Variants in NCAM2 observed in about 807,000 individuals in gnomAD.
NCAM2 encodes the protein neural cell adhesion molecule 2, also known as N-CAM-2.
In NCAM2, 30 loss-of-function variants were observed where a neutral mutation model predicts 98.1. The ratio of observed to expected loss-of-function variants is 0.31; its 90% CI spans 0.23 to 0.41. The LOEUF (loss-of-function observed/expected upper bound fraction) is 0.41, where lower values mean the gene tolerates loss of function less well. Ranked by LOEUF, NCAM2 falls within the 10% of genes least tolerant of loss-of-function variation. NCAM2 has a pLI of 1.00. For missense variants in NCAM2, 867 were observed against 1,005.8 expected (o/e 0.86, Z 1.87); for synonymous variants, 368 against 342.4 (o/e 1.07, Z -0.83).
At chr21:21,207,167 T>C (rs1267587900) in intron 1 of NCAM2, among the ~76,000 whole-genome samples, 1 of 152,220 alleles carries the variant, frequency 6.6e-6, no homozygotes, top group Non-Finnish European at 1.5e-5. Context: ...TTTGCATGCA[T>C]ACAGCATTTA....
intron 10 of NCAM2, among the ~76,000 whole-genome samples, chr21:21,412,498 AT>A (rs1334358233): frequency 6.6e-6 from 1 of 152,124 alleles, no homozygotes; most frequent in Admixed American, 6.5e-5. Context: ...TCATCTTGAC[AT>A]TTTTTAGTTC....
chr21:21,202,893 G>T (rs960886067), intron 1 of NCAM2, among the ~76,000 whole-genome samples: 1 of 152,042 alleles, frequency 6.6e-6, no homozygotes, highest in Non-Finnish European at 1.5e-5. Flanking sequence ...ATGTAGGATG[G>T]ATGAATTTCT....
intron 1 of NCAM2, among the ~76,000 whole-genome samples, chr21:21,004,526 T>G (rs972223497): frequency 7.9e-5 from 12 of 152,172 alleles, no homozygotes; most frequent in African/African-American, 2.9e-4. Flanking sequence ...TGCATGTGTG[T>G]GGAAAATTCA....
chr21:21,332,124 GTAACTCC>G (rs1196276802), intron 6 of NCAM2, among the ~76,000 whole-genome samples: 1 of 151,548 alleles, frequency 6.6e-6, no homozygotes, highest in Non-Finnish European at 1.5e-5. Context: ...AGGCTGATCT[GTAACTCC>G]TGACCTTGTG....
chr21:21,217,316 G>A (rs940337402), intron 1 of NCAM2, among the ~76,000 whole-genome samples: 7 of 152,098 alleles, frequency 4.6e-5, no homozygotes, highest in East Asian at 1.9e-4. Context: ...CCCAGAGCAC[G>A]AAGTCCAAAA....
intron 6 of NCAM2, among the ~76,000 whole-genome samples, chr21:21,325,126 C>G (rs11911837): frequency 0.026 from 3,912 of 152,056 alleles, 155 homozygotes; most frequent in African/African-American, 0.09. Context: ...GTGTCTCAAA[C>G]TACGAAATTG....
chr21:20,999,483 A>G (rs1281291455), intron 1 of NCAM2, among the ~76,000 whole-genome samples: 1 of 152,224 alleles, frequency 6.6e-6, no homozygotes, highest in Non-Finnish European at 1.5e-5. Context: ...CATGAAATAT[A>G]TTTACAATAA....
intron 1 of NCAM2, among the ~76,000 whole-genome samples, chr21:21,229,030 T>C (rs1015502671): frequency 1.3e-5 from 2 of 151,540 alleles, no homozygotes; most frequent in African/African-American, 4.8e-5. Flanking sequence ...TCAAAATGTA[T>C]GTGTGTATGT....
intron 15 of NCAM2, among the ~76,000 whole-genome samples, chr21:21,508,088 T>G (rs1193615094): frequency 6.6e-6 from 1 of 152,176 alleles, no homozygotes; most frequent in Non-Finnish European, 1.5e-5. Context: ...TTCACCTCTT[T>G]CATGGTTACT....
chr21:21,532,360 ATC>A (rs1220275455), intron 16 of NCAM2, among the ~76,000 whole-genome samples: 3 of 152,114 alleles, frequency 2.0e-5, no homozygotes, highest in African/African-American at 7.2e-5. Context: ...ATGTGCTGAT[ATC>A]TGTGTAGAAT....
intron 1 of NCAM2, among the ~76,000 whole-genome samples, chr21:21,111,015 A>C (rs936713715): frequency 6.6e-6 from 1 of 152,104 alleles, no homozygotes; most frequent in Admixed American, 6.5e-5. Context: ...TTTCAGGAAA[A>C]GTATATTTGT....
At chr21:21,162,400 G>T (rs1335140920) in intron 1 of NCAM2, among the ~76,000 whole-genome samples, 1 of 152,002 alleles carries the variant, frequency 6.6e-6, no homozygotes, top group Non-Finnish European at 1.5e-5. Context: ...AAAACATAAA[G>T]ATGAATGTTT....
chr21:21,330,985 A>T (rs1419488643), intron 6 of NCAM2, among the ~76,000 whole-genome samples: 1 of 152,074 alleles, frequency 6.6e-6, no homozygotes, highest in Non-Finnish European at 1.5e-5. Flanking sequence ...GAGAGTTTCA[A>T]GGAGATGTTT....
At chr21:21,070,267 G>GTGTA (rs927008848) in intron 1 of NCAM2, among the ~76,000 whole-genome samples, 12 of 145,244 alleles carry the variant, frequency 8.3e-5, no homozygotes, top group South Asian at 2.2e-4. Flanking sequence ...TGTACATAGT[G>GTGTA]TATATATATA....
chr21:21,235,883 G>A (rs2070800219), intron 1 of NCAM2, among the ~76,000 whole-genome samples: 1 of 151,906 alleles, frequency 6.6e-6, no homozygotes, highest in Admixed American at 6.6e-5. Context: ...ACCATCTATT[G>A]TCACTATTAC....
intron 15 of NCAM2, among the ~76,000 whole-genome samples, chr21:21,486,221 G>C (rs1986354796): frequency 6.9e-6 from 1 of 145,600 alleles, no homozygotes; most frequent in Non-Finnish European, 1.5e-5. Context: ...GGAGCATGGC[G>C]TGAACCCGGG....
chr21:21,384,854 G>A (rs922448830), intron 9 of NCAM2, among the ~76,000 whole-genome samples: 5 of 151,874 alleles, frequency 3.3e-5, no homozygotes, highest in African/African-American at 1.2e-4. Flanking sequence ...TTTTGTAATA[G>A]AAATAGAAAA....
intron 9 of NCAM2, among the ~76,000 whole-genome samples, chr21:21,394,903 G>A (rs995789103): frequency 5.9e-5 from 9 of 152,132 alleles, no homozygotes; most frequent in African/African-American, 2.2e-4. Flanking sequence ...TAAATGGAGT[G>A]ATGACATCTG....
chr21:21,483,629 A>C (rs952637317), intron 15 of NCAM2, among the ~76,000 whole-genome samples: 1 of 152,092 alleles, frequency 6.6e-6, no homozygotes, highest in African/African-American at 2.4e-5. Context: ...ATAAGTTTAA[A>C]AATTCTAAAA....
Sources: allele counts gnomAD v4.1 joint callset (sites outside exome capture counted in the v4.1 genomes callset), GRCh38; gene constraint gnomAD v4.1.1; transcripts MANE v1.5; gene names NCBI Gene and HGNC (gene_info 2026-07-23, HGNC 2026-07-21).